The following RIPOR3 variants were observed in gnomAD, a reference collection of about 807,000 sequenced individuals.
The protein encoded by RIPOR3 is RIPOR family member 3.
Under a neutral mutation model 114.3 loss-of-function variants are expected in RIPOR3, and 95 were observed. The observed-to-expected ratio is 0.83, with a 90% CI of 0.70 to 0.99. The LOEUF is 0.99. Ranked by LOEUF, RIPOR3 falls within the 50% of genes least tolerant of loss-of-function variation. The pLI, the probability that RIPOR3 is intolerant of heterozygous loss-of-function variation, is 0.00. For synonymous variants in RIPOR3, 575 were observed against 543.8 expected, an observed-to-expected ratio of 1.06 and a Z score of -0.80; for missense variants, 1,252 against 1,266.9, an observed-to-expected ratio of 0.99 and a Z score of 0.18.
At chr20:50,679,358 C>A (rs1050407046) in intron 1 of RIPOR3, among the ~76,000 whole-genome samples, 2 of 150,296 alleles carry the variant, frequency 1.3e-5, no homozygotes, top group African/African-American at 4.9e-5. Context: ...AAACAGTGGA[C>A]TGGGCCGGGC....
intron 2 of RIPOR3, among the ~76,000 whole-genome samples, chr20:50,625,554 T>A (rs1288013157): frequency 6.6e-6 from 1 of 152,202 alleles, no homozygotes; most frequent in Non-Finnish European, 1.5e-5. Flanking sequence ...CAGCCTCCTC[T>A]CCTTGAAACT....
Position 50,602,402 on chromosome 20 carries a change from T to C in RIPOR3, c.1329A>G (p.Glu443=), listed in dbSNP as rs146886538. The part of the protein sequence containing the change: ...PLTFGPHASI[E]EEAREDPLPP... ...GCAGGGGGTCCTCCCGAGCCTCCTC[T>C]TCAATGGAGGCGTGGGGACCGAAGG... The change falls in exon 13 of 22, where the codon GAA becomes GAG. Residue 443 remains glutamate (E), a synonymous_variant. Transcript: ENST00000327979. This position sits in a 1 kb window ranked among gnomAD's most constrained non-coding sequence, Gnocchi z 4.3. 4.3e-4 allele frequency: 693 copies of C among 1,610,416 alleles called. 2 individuals are homozygous for C. The highest frequency in any genetic ancestry group is 5.4e-4 in the Non-Finnish European group (642 of 1,178,326).
chr20:50,690,627 T>A (rs899862807), intron 1 of RIPOR3, among the ~76,000 whole-genome samples: 1 of 152,164 alleles, frequency 6.6e-6, no homozygotes, highest in Admixed American at 6.5e-5. Context: ...CAGGAGAGTT[T>A]AGCCAAAGCA....
chr20:50,617,779 C>G (rs117030830), intron 3 of RIPOR3, among the ~76,000 whole-genome samples: 3,708 of 151,960 alleles, frequency 0.024, 66 homozygotes, highest in South Asian at 0.046. Flanking sequence ...GCATGCCCCA[C>G]CACGCCGGCT....
rs2083522585 is a variant in RIPOR3, at chr20:50,602,192, A to G, written c.1539T>C (p.Pro513=). 14 of 1,613,530 alleles carry G rather than the reference A, an allele frequency of 8.7e-6. No individual in the cohort carries two copies. Among genetic ancestry groups the G allele is most frequent in the Non-Finnish European group, 1.2e-5 (14 of 1,179,872 alleles). ...GCAGAGGCCCCTCGAGGGCCACGCC[A>G]GGCCCGTCCTCTCTGTCCCCGGTTG... ...EGATGDREDG[P]GVALEGPLQE... The change falls in exon 13 of 22, where the codon CCT becomes CCC. Residue 513 remains proline, a synonymous_variant. Coordinates refer to ENST00000327979, the MANE Select transcript of RIPOR3 (RefSeq NM_001290268.2). The surrounding 1 kb of genome is among the most constrained non-coding windows in gnomAD (Gnocchi z 4.3).
rs955569587 is a variant in RIPOR3 at position 50,586,921 on chromosome 20, G to T, written c.*311C>A. ...TTGCCTGGCCTTGGCCCTTTTGTAGGTGGCCACCTAGTTTGGCTCAGCTCT... is the reference window on the plus strand; with the variant it reads ...TTGCCTGGCCTTGGCCCTTTTGTAGTTGGCCACCTAGTTTGGCTCAGCTCT... On this transcript the variant is annotated 3_prime_UTR_variant, in exon 22 of 22. Transcript: ENST00000327979. The T allele has an allele frequency of 1.4e-5, 4 of 287,798 alleles. No homozygotes were observed. The highest frequency in any genetic ancestry group is 2.6e-5 in the Non-Finnish European group (4 of 152,092). 17.8% of individuals were successfully genotyped at this position (287,798 alleles called of 1,614,324 possible). A position where few individuals can be genotyped will look rare whatever the true frequency, so the allele number is the denominator to read the frequency against.
At chr20:50,687,537 G>A (rs1568975849) in intron 1 of RIPOR3, among the ~76,000 whole-genome samples, 1 of 152,210 alleles carries the variant, frequency 6.6e-6, no homozygotes, top group Non-Finnish European at 1.5e-5. Context: ...AGTGTGTGGT[G>A]CACAAGTGTG....
chr20:50,620,497 C>T (rs2065403), intron 2 of RIPOR3, among the ~76,000 whole-genome samples: 2,683 of 152,110 alleles, frequency 0.018, 72 homozygotes, highest in African/African-American at 0.061. Flanking sequence ...TGTGGTGGTA[C>T]GTGCCTGTAA....
intron 1 of RIPOR3, among the ~76,000 whole-genome samples, chr20:50,675,164 G>C (rs1368459237): frequency 6.6e-6 from 1 of 152,168 alleles, no homozygotes; most frequent in African/African-American, 2.4e-5. Flanking sequence ...ACCACCAGCA[G>C]AAGCTAAGAG....
chr20:50,609,675 G>T lies in RIPOR3; in HGVS notation c.474C>A (p.Asp158Glu). The part of the protein sequence containing the change: ...EDYCIQCRLR[D>E]GASSMQRAFA... ...AGGCCCGCTGCATGCTGGAGGCGCC[G>T]TCGCGCAGGCGGCACTGGATGCAGT... Residue 158 changes from aspartate (D) to glutamate (E), a missense_variant, in exon 7 of 22, where the codon GAC (aspartate) becomes GAA (glutamate). Transcript: ENST00000327979. The T allele has an allele frequency of 7.2e-7, 1 of 1,391,542 alleles. No individual in the cohort carries two copies. The allele number at this position is 1,391,542 out of a possible 1,614,324, so 86.2% of individuals were successfully genotyped here.
intron 1 of RIPOR3, among the ~76,000 whole-genome samples, chr20:50,672,256 G>A (rs535669114): frequency 9.2e-5 from 14 of 152,186 alleles, no homozygotes; most frequent in South Asian, 8.3e-4. Context: ...CACTTCACCC[G>A]CAGCCCGTTC....
intron 20 of RIPOR3, among the ~76,000 whole-genome samples, chr20:50,589,485 G>A (rs1470150077): frequency 6.6e-6 from 1 of 152,078 alleles, no homozygotes; most frequent in South Asian, 2.1e-4. Flanking sequence ...TAGTAGAGAT[G>A]GAGTTTCGCC....
chr20:50,644,927 C>A lies in RIPOR3; in HGVS notation c.4-14071G>T, dbSNP rs570860904. ...CAATCTTGGCTCATTGCAACCTCCA[C>A]CTCCGTGGTTCAAGCAGTTCCCCGG... On this transcript the variant is annotated intron_variant, in intron 1 of 21. Transcript: ENST00000327979. Among the ~76,000 whole-genome samples, 4 of 151,656 alleles carry A rather than the reference C, an allele frequency of 2.6e-5. No homozygotes were observed. The East Asian group carries it at 7.8e-4, about 29-fold the overall frequency.
chr20:50,592,990 C>T (rs1317161610), intron 18 of RIPOR3, 45 bp downstream of exon 18: 11 of 1,605,250 alleles, frequency 6.9e-6, no homozygotes, highest in South Asian at 1.1e-5. Context: ...TGACAGGGCT[C>T]CGTGGATATT....
At chr20:50,617,055 T>G (rs1190625514) in intron 3 of RIPOR3, among the ~76,000 whole-genome samples, 1 of 152,050 alleles carries the variant, frequency 6.6e-6, no homozygotes, top group African/African-American at 2.4e-5. Context: ...AGCAGGAGAA[T>G]TGCTTGAACC....
chr20:50,641,297 C>G (rs563317792), intron 1 of RIPOR3, among the ~76,000 whole-genome samples: 1 of 151,878 alleles, frequency 6.6e-6, no homozygotes, highest in African/African-American at 2.4e-5. Flanking sequence ...TCACTGCAGC[C>G]TTGACCTCCT....
Position 50,688,276 on chromosome 20 carries a change from G to A in RIPOR3, c.3+2850C>T, listed in dbSNP as rs538821827. ...AGCAATCCTCCCACCTCAGCCTCCT[G>A]AGTAGCTAGGACTACAGGCACGCAC... On this transcript the variant is annotated intron_variant, in intron 1 of 21. Coordinates refer to ENST00000327979, the MANE Select transcript of RIPOR3 (RefSeq NM_001290268.2). Among the ~76,000 whole-genome samples the A allele has an allele frequency of 6.6e-5, 10 of 152,090 alleles. No individual in the cohort carries two copies. The South Asian group carries it at 2.1e-3, about 32-fold the overall frequency.
intron 11 of RIPOR3, among the ~76,000 whole-genome samples, chr20:50,605,321 A>T (rs922797891): frequency 6.6e-6 from 1 of 152,076 alleles, no homozygotes; most frequent in Non-Finnish European, 1.5e-5. Flanking sequence ...GAGGAAAGGA[A>T]GGCTCTGAGA....
intron 19 of RIPOR3, among the ~76,000 whole-genome samples, chr20:50,590,390 A>C (rs1339047843): frequency 6.6e-6 from 1 of 152,264 alleles, no homozygotes. Flanking sequence ...CTGCGGCTGC[A>C]AAGGGAAACC....
Sources: gnomAD v4.1 joint callset for allele counts (sites outside exome capture counted in the v4.1 genomes callset) on GRCh38, gnomAD v4.1.1 for gene constraint, Gnocchi (gnomAD v3.1) non-coding constraint, MANE v1.5 for transcripts, NCBI Gene and HGNC (gene_info 2026-07-23, HGNC 2026-07-21) for gene names.